The following CCZ1B variants were observed in gnomAD, a reference collection of about 807,000 sequenced individuals.
CCZ1B encodes the protein vacuolar fusion protein CCZ1 homolog B.
A neutral mutation model predicts 58.8 loss-of-function variants in CCZ1B; 25 were observed. That is an observed-to-expected ratio of 0.43 (90% CI 0.31 to 0.59). The LOEUF is 0.59. Ranked by LOEUF, CCZ1B falls within the 20% of genes least tolerant of loss-of-function variation. The probability of loss-of-function intolerance (pLI) is 0.12; values close to 1 mark genes in which losing one functional copy is unlikely to be tolerated. For missense variants in CCZ1B, 180 were observed against 501.5 expected, an observed-to-expected ratio of 0.36 and a Z score of 6.12; for synonymous variants, 66 against 173.2, an observed-to-expected ratio of 0.38 and a Z score of 4.86.
chr7:6,811,448 T>G (rs200476104), intron 10 of CCZ1B: 10,007 of 64,324 alleles, frequency 0.16, 893 homozygotes, highest in South Asian at 0.37. Context: ...GGAAAGAGGA[T>G]AAACACGTGC....
rs376938545 is a variant in CCZ1B, at chr7:6,825,641, C to CCACACACACA, written c.120+427_120+436dup. Among the ~76,000 whole-genome samples the CCACACACACA allele has an allele frequency of 3.3e-4, 29 of 87,256 alleles. No homozygotes were observed. The East Asian group carries it at 5.7e-3, about 17-fold the overall frequency. The allele number at this position is 87,256 out of a possible 152,430, so 57.2% of individuals were successfully genotyped here. A position where few individuals can be genotyped will look rare whatever the true frequency, so the allele number is the denominator to read the frequency against. ...AGTCGCCGTCCCCACCTCAGAAAAA[C>CCACACACACA]CACACACACACACACACACACACCC... On this transcript the variant is annotated intron_variant, in intron 1 of 14. Coordinates refer to ENST00000316731, the MANE Select transcript of CCZ1B (RefSeq NM_198097.5).
chr7:6,805,112 C>G, intron 11 of CCZ1B, 57 bp from the exon 12 acceptor site: 1 of 1,145,276 alleles, frequency 8.7e-7, no homozygotes, highest in Non-Finnish European at 1.1e-6. Flanking sequence ...CGACACTGAA[C>G]AACAGTATTC....
At chr7:6,818,589 C>CAAGAAAGAA (rs1783048318) in intron 7 of CCZ1B, among the ~76,000 whole-genome samples, 112 of 109,090 alleles carry the variant, frequency 1.0e-3, no homozygotes, top group Middle Eastern at 4.3e-3. Flanking sequence ...GAAAGAAAGA[C>CAAGAAAGAA]AGACAGAAAG....
In CCZ1B at chr7:6,810,308, C is replaced by G. The variant is rs531713899; in HGVS notation, c.954+1644G>C. ...GATTATAGGCGTGAGCCACCATGCC[C>G]CGGCTAATGTCTTTCTTTTGTCTTA... On this transcript the variant is annotated intron_variant, in intron 10 of 14. Coordinates refer to ENST00000316731, the MANE Select transcript of CCZ1B (RefSeq NM_198097.5). Among the ~76,000 whole-genome samples the G allele has an allele frequency of 1.2e-4, 17 of 147,628 alleles. 1 individual carries two copies. Among genetic ancestry groups the G allele is most frequent in the Non-Finnish European group, 2.2e-4 (15 of 67,090 alleles).
At chr7:6,820,852 T>C (rs1783097597) in intron 6 of CCZ1B, among the ~76,000 whole-genome samples, 1 of 144,474 alleles carries the variant, frequency 6.9e-6, no homozygotes. Flanking sequence ...GAGACTAAGG[T>C]TGCAGTGAGC....
chr7:6,809,719 C>T (rs988251203), intron 10 of CCZ1B, among the ~76,000 whole-genome samples: 4 of 133,978 alleles, frequency 3.0e-5, no homozygotes, highest in Non-Finnish European at 6.3e-5. Flanking sequence ...AAGTGACTCT[C>T]AAGCACACCA....
At position 6,819,934 on chromosome 7, in the gene CCZ1B, T is replaced by G; in HGVS notation, c.530A>C (p.Gln177Pro). ...RLEKFFHRYLQTLHLQSCDLL... is the reference protein window; with the variant it reads ...RLEKFFHRYLPTLHLQSCDLL... ...GTCACATGACTGCAAATGTAGCGTT[T>G]GCAAATACTGTGGAAAAAAAATAAG... is the stretch of plus-strand genomic sequence containing the variant. Residue 177 changes from glutamine to proline, a missense_variant, in exon 7 of 15, where the codon CAA becomes CCA. Physicochemically the swap from Gln to Pro is moderately conservative, Grantham distance 76 (BLOSUM62 -1). Coordinates refer to ENST00000316731, the MANE Select transcript of CCZ1B (RefSeq NM_198097.5). 1 of 1,606,320 alleles carries G rather than the reference T, an allele frequency of 6.2e-7. No homozygotes were observed. The highest frequency in any genetic ancestry group is 8.5e-7 in the Non-Finnish European group (1 of 1,177,082).
At position 6,819,930 on chromosome 7, in the gene CCZ1B, C is replaced by T. The variant is rs147354374; in HGVS notation, c.534G>A (p.Thr178=). 26 of 1,605,796 alleles carry T rather than the reference C, an allele frequency of 1.6e-5. 2 individuals are homozygous for T. In the African/African-American group the frequency reaches 2.8e-4, roughly 17 times the overall value. The change falls in exon 7 of 15, where the codon ACG becomes ACA. Residue 178 remains threonine, a synonymous_variant. Transcript: ENST00000316731. ...GTAGGTCACATGACTGCAAATGTAG[C>T]GTTTGCAAATACTGTGGAAAAAAAA... ...LEKFFHRYLQ[T]LHLQSCDLLD... is the part of the protein sequence containing the mutation.
At chr7:6,816,372 T>C (rs1401183807) in intron 7 of CCZ1B, among the ~76,000 whole-genome samples, 2 of 148,606 alleles carry the variant, frequency 1.3e-5, no homozygotes, top group Non-Finnish European at 3.0e-5. Flanking sequence ...TCCCAGCTAC[T>C]TGGGAGACTG....
At chr7:6,814,262 G>A (rs777067756) in intron 8 of CCZ1B, among the ~76,000 whole-genome samples, 18 of 148,660 alleles carry the variant, frequency 1.2e-4, no homozygotes, top group Non-Finnish European at 1.2e-4. Flanking sequence ...GTGGACTGGG[G>A]GCAGTGGCTC....
chr7:6,821,026 C>A (rs577266432), intron 6 of CCZ1B, among the ~76,000 whole-genome samples: 2 of 149,266 alleles, frequency 1.3e-5, no homozygotes, highest in African/African-American at 5.0e-5. Flanking sequence ...ATTTCCCCCC[C>A]GAGATGGAGT....
chr7:6,822,706 C>CTT (rs58112556), intron 5 of CCZ1B, among the ~76,000 whole-genome samples: 573 of 119,632 alleles, frequency 4.8e-3, no homozygotes, highest in East Asian at 0.024. Flanking sequence ...ACTTTTTATC[C>CTT]TTTTTTTTTT....
At chr7:6,822,539 A>T in intron 5 of CCZ1B, 175 bp from the exon 6 acceptor site, 3 of 1,238,592 alleles carry the variant, frequency 2.4e-6, no homozygotes, top group Non-Finnish European at 3.2e-6. Context: ...GTTACAAAAA[A>T]TACTGTTAAG....
In CCZ1B at chr7:6,822,524, T is replaced by C. The variant is rs1010873373; in HGVS notation, c.439-160A>G. The C allele has an allele frequency of 1.7e-5, 22 of 1,304,862 alleles. No individual in the cohort carries two copies. The African/African-American group carries it at 3.6e-4, about 21-fold the overall frequency. The allele number at this position is 1,304,862 out of a possible 1,614,324, so 80.8% of individuals were successfully genotyped here. A position where few individuals can be genotyped will look rare whatever the true frequency, so the allele number is the denominator to read the frequency against. ...TACGTGAGAAAACTTGAGTTAAAAA[T>C]GTAAGTTACAAAAAATACTGTTAAG... On this transcript the variant is annotated intron_variant, in intron 5 of 14. Transcript: ENST00000316731.
At chr7:6,813,118 T>C in intron 8 of CCZ1B, 81 bp from the exon 9 acceptor site, 1 of 982,942 alleles carries the variant, frequency 1.0e-6, no homozygotes, top group South Asian at 1.6e-5. Context: ...CATTATCTAC[T>C]AATTGGTTCC....
At chr7:6,819,741 A>C (rs1353134951) in intron 7 of CCZ1B, 25 bp downstream of exon 7, 4 of 1,337,558 alleles carry the variant, frequency 3.0e-6, no homozygotes, top group Non-Finnish European at 4.1e-6. Flanking sequence ...TCTTCTTTTA[A>C]TACCATGCCT....
Position 6,822,301 on chromosome 7 carries a change from A to G in CCZ1B, c.502T>C (p.Leu168=), listed in dbSNP as rs758467841. 1 of 1,587,646 alleles carries G rather than the reference A, an allele frequency of 6.3e-7. No individual in the cohort carries two copies. The highest frequency in any genetic ancestry group is 8.5e-7 in the Non-Finnish European group (1 of 1,172,860). ...DGGVKLLKER[L]EKFFHRYLQT... ...CTTACCCGATGGAAGAATTTCTCTA[A>G]TCTTTCTTTCAGAAGCTTGACGCCT... is the stretch of plus-strand genomic sequence containing the variant. Residue 168 remains leucine (L), a synonymous_variant, in exon 6 of 15, where the codon TTA becomes CTA. Transcript: ENST00000316731.
intron 6 of CCZ1B, among the ~76,000 whole-genome samples, chr7:6,820,625 A>G (rs1338092349): frequency 5.4e-5 from 8 of 148,648 alleles, no homozygotes; most frequent in African/African-American, 2.0e-4. Context: ...TAGCACTTTC[A>G]AGTATTTAAT....
At position 6,814,363 on chromosome 7, in the gene CCZ1B, G is replaced by A. The variant is rs558024280; in HGVS notation, c.780+401C>T. On this transcript the variant is annotated intron_variant, in intron 8 of 14. Coordinates refer to ENST00000316731, the MANE Select transcript of CCZ1B (RefSeq NM_198097.5). ...CAGCCTGGCCAACATAGTGAAACCT[G>A]TCTCTACTAAAAATACAAAAAAATT... Among the ~76,000 whole-genome samples the A allele has an allele frequency of 1.6e-3, 238 of 149,084 alleles. 9 individuals are homozygous for A. Among genetic ancestry groups the A allele is most frequent in the Admixed American group, 1.9e-3 (29 of 15,008 alleles).
Sources: allele counts gnomAD v4.1 joint callset (sites outside exome capture counted in the v4.1 genomes callset), GRCh38; gene constraint gnomAD v4.1.1; transcripts MANE v1.5; gene names NCBI Gene and HGNC (gene_info 2026-07-23, HGNC 2026-07-21).